Variants in FBXO15 observed in about 807,000 individuals in gnomAD.
FBXO15 encodes the protein F-box only protein 15.
A neutral mutation model predicts 49.5 loss-of-function variants in FBXO15; 30 were observed. That is an observed-to-expected ratio of 0.61 (90% CI 0.45 to 0.82). The LOEUF is 0.82. FBXO15 is among the 40% of genes least tolerant of loss of function. FBXO15 has a pLI of 0.00. For missense variants in FBXO15, 591 were observed against 631.5 expected, an observed-to-expected ratio of 0.94 and a Z score of 0.69; for synonymous variants, 250 against 232.7, an observed-to-expected ratio of 1.07 and a Z score of -0.68.
chr18:74,111,686 T>C (rs188697723), intron 8 of FBXO15, among the ~76,000 whole-genome samples: 1 of 151,644 alleles, frequency 6.6e-6, no homozygotes, highest in Admixed American at 6.6e-5. Context: ...ATAATAAAAA[T>C]TAAAGCAATA....
chr18:74,092,688 G>A (rs1271971381), intron 8 of FBXO15, among the ~76,000 whole-genome samples: 2 of 152,110 alleles, frequency 1.3e-5, no homozygotes, highest in Admixed American at 6.5e-5. Context: ...TTTTAACTCT[G>A]GAAGACTGAT....
At chr18:74,105,269 T>C (rs1215864578) in intron 8 of FBXO15, among the ~76,000 whole-genome samples, 1 of 152,190 alleles carries the variant, frequency 6.6e-6, no homozygotes, top group Non-Finnish European at 1.5e-5. Context: ...TTGCCTATTA[T>C]ATATTTCAAA....
At chr18:74,088,689 C>G (rs1912865375) in intron 8 of FBXO15, among the ~76,000 whole-genome samples, 1 of 152,106 alleles carries the variant, frequency 6.6e-6, no homozygotes, top group South Asian at 2.1e-4. Flanking sequence ...TATTTGGGCT[C>G]TTTTTTTGTT....
At chr18:74,085,392 G>A (rs926896881) in intron 8 of FBXO15, among the ~76,000 whole-genome samples, 54 of 152,064 alleles carry the variant, frequency 3.6e-4, no homozygotes, top group African/African-American at 1.2e-3. Context: ...GCAGGAGTCC[G>A]AGACCAGCCT....
intron 8 of FBXO15, among the ~76,000 whole-genome samples, chr18:74,115,841 A>G (rs1010632083): frequency 1.3e-5 from 2 of 152,232 alleles, no homozygotes; most frequent in Non-Finnish European, 1.5e-5. Context: ...ATTTGACAGA[A>G]AAATCTGGAA....
rs113539425 is a variant in FBXO15 at position 74,129,481 on chromosome 18, C to T, written c.709G>A (p.Ala237Thr). 11 of 1,613,958 alleles carry T rather than the reference C, an allele frequency of 6.8e-6. No individual in the cohort carries two copies. In the South Asian group the frequency reaches 1.1e-4, roughly 16 times the overall value. The change falls in exon 5 of 10, where the codon GCA becomes ACA. Residue 237 changes from alanine (A) to threonine (T), a missense_variant. Physicochemically the swap from Ala to Thr is moderately conservative, Grantham distance 58. Coordinates refer to ENST00000419743, the MANE Select transcript of FBXO15 (RefSeq NM_001142958.2). ...CATAAATCTAAGGTTGACAATGATG[C>T]TAGGCATGGCCATTTTTTGCCATAC... ...IWYGKKWPCL[A>T]SLSTLDLCGM...
chr18:74,117,973 A>G (rs1293554041), intron 8 of FBXO15, among the ~76,000 whole-genome samples: 1 of 151,554 alleles, frequency 6.6e-6, no homozygotes, highest in African/African-American at 2.4e-5. Context: ...CTACATGCGT[A>G]TGGATCCCAA....
At chr18:74,123,889 C>T (rs1185770459) in intron 7 of FBXO15, among the ~76,000 whole-genome samples, 4 of 151,992 alleles carry the variant, frequency 2.6e-5, no homozygotes, top group Non-Finnish European at 5.9e-5. Context: ...GCAGGACAAA[C>T]ACCCAGGCAG....
chr18:74,103,606 G>A (rs531891670), intron 8 of FBXO15, among the ~76,000 whole-genome samples: 23 of 152,154 alleles, frequency 1.5e-4, no homozygotes, highest in Non-Finnish European at 3.1e-4. Context: ...CACAAAGAGA[G>A]GATCCTAAAA....
At chr18:74,143,043 C>G (rs1979181762) in intron 1 of FBXO15, among the ~76,000 whole-genome samples, 1 of 152,142 alleles carries the variant, frequency 6.6e-6, no homozygotes, top group South Asian at 2.1e-4. Flanking sequence ...CAATTCCTAT[C>G]AGGAGCTCCA....
chr18:74,100,727 T>C (rs1913479044), intron 8 of FBXO15, among the ~76,000 whole-genome samples: 1 of 152,008 alleles, frequency 6.6e-6, no homozygotes, highest in African/African-American at 2.4e-5. Flanking sequence ...ATGGGAGATA[T>C]TACAACTGAT....
chr18:74,103,752 T>C (rs777279442), intron 8 of FBXO15, among the ~76,000 whole-genome samples: 2 of 152,086 alleles, frequency 1.3e-5, no homozygotes, highest in Non-Finnish European at 2.9e-5. Context: ...AAAATTGCCA[T>C]CCAAGAATAT....
intron 8 of FBXO15, among the ~76,000 whole-genome samples, chr18:74,113,588 G>T (rs147617707): frequency 1.4e-4 from 22 of 152,222 alleles, no homozygotes; most frequent in African/African-American, 5.1e-4. Flanking sequence ...ACCTAAAACT[G>T]CCCTAAAAAG....
chr18:74,135,123 A>G (rs560952863), intron 3 of FBXO15, among the ~76,000 whole-genome samples: 4 of 152,232 alleles, frequency 2.6e-5, no homozygotes, highest in Middle Eastern at 3.4e-3. Context: ...ATAGTGACAA[A>G]CAGAAGCAGA....
chr18:74,107,421 A>G (rs1247175874), intron 8 of FBXO15, among the ~76,000 whole-genome samples: 1 of 152,194 alleles, frequency 6.6e-6, no homozygotes, highest in Non-Finnish European at 1.5e-5. Context: ...GACCATTTTT[A>G]AAAACGTTGG....
At chr18:74,088,206 A>C (rs141971358) in intron 8 of FBXO15, among the ~76,000 whole-genome samples, 3,087 of 152,204 alleles carry the variant, frequency 0.02, 122 homozygotes, top group African/African-American at 0.069. Context: ...AGCTCTTTAA[A>C]GTAAGTCCCA....
At chr18:74,147,628 G>C (rs774419610) in intron 1 of FBXO15, 42 bp downstream of exon 1, 2 of 1,376,132 alleles carry the variant, frequency 1.5e-6, no homozygotes, top group South Asian at 1.7e-5. Flanking sequence ...CGCAGTGACG[G>C]GCTTCCCGCC....
At chr18:74,090,633 C>T (rs921856338) in intron 8 of FBXO15, among the ~76,000 whole-genome samples, 4 of 152,108 alleles carry the variant, frequency 2.6e-5, no homozygotes, top group Non-Finnish European at 4.4e-5. Context: ...CAAATAATTT[C>T]TTTATTTCTG....
intron 2 of FBXO15, among the ~76,000 whole-genome samples, chr18:74,138,085 C>A (rs892415509): frequency 2.6e-5 from 4 of 152,118 alleles, no homozygotes; most frequent in Non-Finnish European, 4.4e-5. Flanking sequence ...CTCTGAATCA[C>A]CCTGAATCTC....
Sources: gnomAD v4.1 joint callset for allele counts (sites outside exome capture counted in the v4.1 genomes callset) on GRCh38, gnomAD v4.1.1 for gene constraint, MANE v1.5 for transcripts, NCBI Gene and HGNC (gene_info 2026-07-23, HGNC 2026-07-21) for gene names.